Variants in AJAP1 observed in about 807,000 individuals in gnomAD.
AJAP1 encodes adherens junctions associated protein 1.
Under a neutral mutation model 35.0 loss-of-function variants are expected in AJAP1, and 5 were observed. The ratio of observed to expected loss-of-function variants is 0.14; its 90% CI spans 0.07 to 0.30. AJAP1 has a LOEUF of 0.30. Among genes scored for constraint, AJAP1 ranks in the 10% least tolerant of loss-of-function variants. The pLI is 1.00. For synonymous variants in AJAP1, 284 were observed against 249.3 expected (o/e 1.14, Z -1.31); for missense variants, 586 against 571.0 (o/e 1.03, Z -0.27).
intron 2 of AJAP1, among the ~76,000 whole-genome samples, chr1:4,747,831 T>C (rs1205274292): frequency 6.6e-6 from 1 of 151,786 alleles, no homozygotes; most frequent in East Asian, 1.9e-4. Context: ...CTACTAAAAA[T>C]ACAAAAATGT....
chr1:4,771,652 C>T (rs1301239207), intron 3 of AJAP1, among the ~76,000 whole-genome samples: 2 of 152,178 alleles, frequency 1.3e-5, no homozygotes, highest in African/African-American at 4.8e-5. Flanking sequence ...CCTCTGGAAA[C>T]CCCTGTGGTT....
rs560384281 is a variant in AJAP1, at chr1:4,734,638, C to T, written c.829+21939C>T. ...CTGCCCATGAATGAATGTCAGGCCT[C>T]GTCACTGCAGGAGCTCGGACTGCAC... On this transcript the variant is annotated intron_variant, in intron 2 of 5. Coordinates refer to ENST00000378191, the MANE Select transcript of AJAP1 (RefSeq NM_018836.4). The surrounding 1 kb of genome is among the most constrained non-coding windows in gnomAD (Gnocchi z 4.3). Among the ~76,000 whole-genome samples, 15 of 152,276 alleles carry T rather than the reference C, an allele frequency of 9.9e-5. No homozygotes were observed. In the East Asian group the frequency reaches 2.7e-3, roughly 27 times the overall value.
intron 1 of AJAP1, among the ~76,000 whole-genome samples, chr1:4,680,437 A>C (rs1639457104): frequency 6.6e-6 from 1 of 152,256 alleles, no homozygotes; most frequent in African/African-American, 2.4e-5. Context: ...CAAAGTGGAC[A>C]TGAACATGGG....
chr1:4,664,944 C>T (rs552191650), intron 1 of AJAP1, among the ~76,000 whole-genome samples: 6 of 152,176 alleles, frequency 3.9e-5, no homozygotes, highest in South Asian at 2.1e-4. Flanking sequence ...TTGTATTTGG[C>T]GTGTTAGCAA....
chr1:4,712,522 GCCA>G lies in AJAP1; in HGVS notation c.672_674del (p.Thr225del), dbSNP rs529940202. 1,022 of 1,582,780 alleles carry G rather than the reference GCCA, an allele frequency of 6.5e-4. No homozygotes were observed. Among genetic ancestry groups the G allele is most frequent in the Admixed American group, 2.0e-3 (118 of 57,920 alleles). ...ACAAACACGGAAGACAACTGTGGCC[GCCA>G]CCACCACCACCACCACCACGGCCAC... On this transcript the variant is annotated inframe_deletion, in exon 2 of 6. Coordinates refer to ENST00000378191, the MANE Select transcript of AJAP1 (RefSeq NM_018836.4).
intron 1 of AJAP1, among the ~76,000 whole-genome samples, chr1:4,691,302 G>T (rs1388974649): frequency 2.0e-5 from 3 of 152,218 alleles, no homozygotes; most frequent in Admixed American, 6.5e-5. Context: ...CTTCTCCCAG[G>T]TTGGCTGGAG....
intron 1 of AJAP1, among the ~76,000 whole-genome samples, chr1:4,709,996 C>A (rs941737028): frequency 2.0e-5 from 3 of 152,036 alleles, no homozygotes; most frequent in Non-Finnish European, 4.4e-5. Context: ...GAGGGCGTGC[C>A]CCCAGGGATG....
At chr1:4,777,992 G>T (rs41266225) in intron 5 of AJAP1, among the ~76,000 whole-genome samples, 1 of 152,126 alleles carries the variant, frequency 6.6e-6, no homozygotes, top group Non-Finnish European at 1.5e-5. Context: ...TCTGCCCCGG[G>T]GACACCTGGC....
At position 4,785,745 on chromosome 1, in the gene AJAP1, T is replaced by G. The variant is rs1642150268; in HGVS notation, c.*3260T>G. 6.6e-6 allele frequency: 1 copy of G among 152,164 alleles called. No individual in the cohort carries two copies. Among genetic ancestry groups the G allele is most frequent in the South Asian group, 2.1e-4 (1 of 4,824 alleles). 9.4% of individuals were successfully genotyped at this position (152,164 alleles called of 1,614,324 possible). A position where few individuals can be genotyped will look rare whatever the true frequency, so the allele number is the denominator to read the frequency against. On this transcript the variant is annotated 3_prime_UTR_variant, in exon 6 of 6. Coordinates refer to ENST00000378191, the MANE Select transcript of AJAP1 (RefSeq NM_018836.4). ...CACCTCCCATCCCCCACCCAAGGCC[T>G]GGTCCTTTCCTTTGCTTGAGCTTTT...
intron 2 of AJAP1, among the ~76,000 whole-genome samples, chr1:4,733,980 C>T (rs778043021): frequency 7.2e-5 from 11 of 152,184 alleles, no homozygotes; most frequent in Non-Finnish European, 1.0e-4. Context: ...GCGGTTCACG[C>T]GAGGTGTGTG....
intron 2 of AJAP1, among the ~76,000 whole-genome samples, chr1:4,725,724 TGAGGTCAGGGTGTCGG>T (rs888716939): frequency 6.6e-6 from 1 of 152,114 alleles, no homozygotes; most frequent in Non-Finnish European, 1.5e-5. Context: ...GCTAGAAGTC[TGAGGTCAGGGTGTCGG>T]GAGGGCCGGC....
chr1:4,668,228 C>T (rs937329255), intron 1 of AJAP1, among the ~76,000 whole-genome samples: 1 of 150,112 alleles, frequency 6.7e-6, no homozygotes. Flanking sequence ...AAAAAAATGC[C>T]ATTAGGGTGG....
chr1:4,661,409 G>A (rs1278995756), intron 1 of AJAP1, among the ~76,000 whole-genome samples: 3 of 152,216 alleles, frequency 2.0e-5, no homozygotes, highest in African/African-American at 7.2e-5. Context: ...GGCCCTGCAA[G>A]GCAGGTATTA....
chr1:4,738,031 C>T (rs1260258978), intron 2 of AJAP1, among the ~76,000 whole-genome samples: 1 of 152,258 alleles, frequency 6.6e-6, no homozygotes, highest in African/African-American at 2.4e-5. Flanking sequence ...TGCAAAGCAC[C>T]TGCCTGGGGG....
chr1:4,664,746 C>T (rs1408834116), intron 1 of AJAP1, among the ~76,000 whole-genome samples: 1 of 152,078 alleles, frequency 6.6e-6, no homozygotes, highest in Non-Finnish European at 1.5e-5. Flanking sequence ...GTCCCGTAAC[C>T]ACCCTACCAG....
At position 4,699,350 on chromosome 1, in the gene AJAP1, TCTC is replaced by T. The variant is rs370319840; in HGVS notation, c.30-12545_30-12543del. Among the ~76,000 whole-genome samples the T allele has an allele frequency of 8.4e-4, 128 of 152,340 alleles. 1 individual carries two copies. The highest frequency in any genetic ancestry group is 2.8e-3 in the African/African-American group (115 of 41,576). On this transcript the variant is annotated intron_variant, in intron 1 of 5. Coordinates refer to ENST00000378191, the MANE Select transcript of AJAP1 (RefSeq NM_018836.4). ...TTTCCAGAGGCAGAGCCTTTGCTGT[TCTC>T]CTCCCATCCTTGGTTGGCTTCAAAA...
At chr1:4,678,384 C>G (rs1639406122) in intron 1 of AJAP1, among the ~76,000 whole-genome samples, 1 of 152,222 alleles carries the variant, frequency 6.6e-6, no homozygotes. Context: ...CTGGGCACAA[C>G]TTAGTTGGGC....
At chr1:4,696,470 A>C (rs1176306799) in intron 1 of AJAP1, among the ~76,000 whole-genome samples, 1 of 152,170 alleles carries the variant, frequency 6.6e-6, no homozygotes, top group Non-Finnish European at 1.5e-5. Context: ...TTTGGGAAGG[A>C]ATTACCCAAC....
chr1:4,761,361 C>T (rs1300197704), intron 2 of AJAP1, among the ~76,000 whole-genome samples: 2 of 152,206 alleles, frequency 1.3e-5, no homozygotes, highest in Non-Finnish European at 2.9e-5. Context: ...GTCTGTAACA[C>T]TCTGTGTTCT....
Sources: gnomAD v4.1 joint callset for allele counts (sites outside exome capture counted in the v4.1 genomes callset) on GRCh38, gnomAD v4.1.1 for gene constraint, Gnocchi (gnomAD v3.1) non-coding constraint, MANE v1.5 for transcripts, NCBI Gene and HGNC (gene_info 2026-07-23, HGNC 2026-07-21) for gene names.